The following PSD3 variants were observed in gnomAD, a reference collection of about 807,000 sequenced individuals.
PSD3 encodes pleckstrin and Sec7 domain containing 3.
In PSD3, 49 loss-of-function variants were observed where a neutral mutation model predicts 105.5. That is an observed-to-expected ratio of 0.46 (90% CI 0.37 to 0.59). The LOEUF is 0.59. Ranked by LOEUF, PSD3 falls within the 20% of genes least tolerant of loss-of-function variation. PSD3 has a pLI of 0.00. For synonymous variants in PSD3, 557 were observed against 457.8 expected, an observed-to-expected ratio of 1.22 and a Z score of -2.77; for missense variants, 1,561 against 1,263.8, an observed-to-expected ratio of 1.24 and a Z score of -3.57.
chr8:18,930,620 AGT>A (rs1276469530), intron 2 of PSD3, among the ~76,000 whole-genome samples: 4 of 148,668 alleles, frequency 2.7e-5, no homozygotes, highest in Non-Finnish European at 4.4e-5. Context: ...GCCAGGCTAG[AGT>A]ACAGTGGTGC....
At chr8:18,910,045 G>C (rs1209197695) in intron 2 of PSD3, among the ~76,000 whole-genome samples, 1 of 152,116 alleles carries the variant, frequency 6.6e-6, no homozygotes, top group Admixed American at 6.5e-5. Flanking sequence ...CCCACGAAGA[G>C]TTCGCTCCCC....
At chr8:18,914,604 C>G (rs1820460640) in intron 2 of PSD3, among the ~76,000 whole-genome samples, 1 of 152,162 alleles carries the variant, frequency 6.6e-6, no homozygotes, top group Non-Finnish European at 1.5e-5. Context: ...AAAAAATAAT[C>G]TCATTTGTAA....
chr8:18,705,626 A>T (rs2129419099), intron 9 of PSD3, among the ~76,000 whole-genome samples: 1 of 152,100 alleles, frequency 6.6e-6, no homozygotes, highest in African/African-American at 2.4e-5. Flanking sequence ...GTTGAAATAC[A>T]TATTGATATG....
chr8:18,901,039 A>G (rs75343673), intron 2 of PSD3, among the ~76,000 whole-genome samples: 7,147 of 152,278 alleles, frequency 0.047, 204 homozygotes, highest in South Asian at 0.081. Flanking sequence ...GGCACCATGT[A>G]CAGTCTGGTG....
At chr8:18,930,803 C>T (rs920836322) in intron 2 of PSD3, among the ~76,000 whole-genome samples, 1 of 152,166 alleles carries the variant, frequency 6.6e-6, no homozygotes, top group South Asian at 2.1e-4. Flanking sequence ...CTCTTGATCT[C>T]GTGATCTGCC....
At chr8:19,075,932 C>G (rs1269438798) in intron 1 of PSD3, among the ~76,000 whole-genome samples, 1 of 152,176 alleles carries the variant, frequency 6.6e-6, no homozygotes, top group Non-Finnish European at 1.5e-5. Context: ...GTAATTCCTG[C>G]ACTCACTTTG....
At chr8:18,937,073 A>C (rs1227043317) in intron 1 of PSD3, among the ~76,000 whole-genome samples, 1 of 152,222 alleles carries the variant, frequency 6.6e-6, no homozygotes. Context: ...GGTGATGGTG[A>C]AAGTGGTACA....
chr8:18,923,158 A>G (rs985229727), intron 2 of PSD3, among the ~76,000 whole-genome samples: 10 of 152,178 alleles, frequency 6.6e-5, no homozygotes, highest in Admixed American at 5.2e-4. Context: ...GGCCACAGAT[A>G]AAATACACTA....
chr8:18,750,535 T>C (rs576390234), intron 9 of PSD3, among the ~76,000 whole-genome samples: 10 of 152,188 alleles, frequency 6.6e-5, no homozygotes, highest in African/African-American at 1.4e-4. Context: ...GCAAGATTTA[T>C]TGCAAAGAGC....
At chr8:18,859,224 CTTTTTTT>C (rs35179243) in intron 4 of PSD3, among the ~76,000 whole-genome samples, 4 of 130,380 alleles carry the variant, frequency 3.1e-5, no homozygotes, top group Non-Finnish European at 6.6e-5. Flanking sequence ...CAAAGAAATC[CTTTTTTT>C]TTTTTTTTTT....
At chr8:18,627,336 G>C (rs895509353) in intron 11 of PSD3, among the ~76,000 whole-genome samples, 10 of 151,988 alleles carry the variant, frequency 6.6e-5, no homozygotes, top group African/African-American at 2.4e-4. Context: ...AAACAGAGGG[G>C]AGAGTTACAA....
chr8:18,631,077 T>A (rs1806862829), intron 11 of PSD3, among the ~76,000 whole-genome samples: 1 of 151,972 alleles, frequency 6.6e-6, no homozygotes, highest in African/African-American at 2.4e-5. Flanking sequence ...CATCCATACC[T>A]GACTGAGGGG....
intron 14 of PSD3, among the ~76,000 whole-genome samples, chr8:18,566,463 T>A (rs557369463): frequency 1.3e-5 from 2 of 149,548 alleles, no homozygotes; most frequent in African/African-American, 4.9e-5. Context: ...GAGGTGGGGA[T>A]TGCAGTGAGC....
At chr8:18,714,520 A>C (rs2129423486) in intron 9 of PSD3, among the ~76,000 whole-genome samples, 1 of 152,306 alleles carries the variant, frequency 6.6e-6, no homozygotes, top group South Asian at 2.1e-4. Context: ...CAAGAAACTT[A>C]TGAAAAAAAC....
intron 4 of PSD3, among the ~76,000 whole-genome samples, chr8:18,815,090 C>A (rs900080425): frequency 2.0e-5 from 3 of 152,156 alleles, no homozygotes; most frequent in Admixed American, 6.5e-5. Context: ...TTAGTTTGAT[C>A]AAATACTCTC....
intron 2 of PSD3, among the ~76,000 whole-genome samples, chr8:18,883,359 G>C (rs1818242571): frequency 6.6e-6 from 1 of 152,118 alleles, no homozygotes; most frequent in Admixed American, 6.6e-5. Flanking sequence ...AGAAACACTT[G>C]ATCATTCTGG....
In PSD3 at chr8:18,872,320, T is replaced by C; in HGVS notation, c.544A>G (p.Arg182Gly). 6.2e-7 allele frequency: 1 copy of C among 1,614,194 alleles called. No homozygotes were observed. Among genetic ancestry groups the C allele is most frequent in the Non-Finnish European group, 8.5e-7 (1 of 1,180,020 alleles). ...ELDTASRKTQ[R>G]VNKTLPAGQK... ...CCAGCAGGGAGCGTTTTGTTGACTC[T>C]CTGTGTTTTACGACTGGCAGTGTCC... is the stretch of plus-strand genomic sequence containing the variant. Residue 182 changes from arginine (R) to glycine (G), a missense_variant, in exon 3 of 16, where the codon AGA (arginine) becomes GGA (glycine). Coordinates refer to ENST00000327040, the MANE Select transcript of PSD3 (RefSeq NM_015310.4).
At chr8:18,946,683 T>C (rs574078409) in intron 1 of PSD3, among the ~76,000 whole-genome samples, 2 of 152,136 alleles carry the variant, frequency 1.3e-5, no homozygotes, top group Admixed American at 1.3e-4. Context: ...GTGGATCACC[T>C]GAGGTCAGGA....
At chr8:19,034,393 C>A (rs2129476408) in intron 1 of PSD3, among the ~76,000 whole-genome samples, 1 of 152,310 alleles carries the variant, frequency 6.6e-6, no homozygotes, top group Non-Finnish European at 1.5e-5. Flanking sequence ...ATTTCAACCT[C>A]ACCCTCAAAG....
Sources: allele counts gnomAD v4.1 joint callset (sites outside exome capture counted in the v4.1 genomes callset), GRCh38; gene constraint gnomAD v4.1.1; transcripts MANE v1.5; gene names NCBI Gene and HGNC (gene_info 2026-07-23, HGNC 2026-07-21).